EBF3: variants seen among roughly 807,000 people sequenced by gnomAD.
EBF3 encodes the protein transcription factor COE3.
EBF3 carries 18 observed loss-of-function variants against 77.1 expected under a neutral mutation model. The observed-to-expected ratio is 0.23, with a 90% CI of 0.16 to 0.35. The LOEUF (loss-of-function observed/expected upper bound fraction) is 0.35. Ranked by LOEUF, EBF3 falls within the 10% of genes least tolerant of loss-of-function variation. The probability of loss-of-function intolerance (pLI) is 1.00; values close to 1 mark genes in which losing one functional copy is unlikely to be tolerated. For synonymous variants in EBF3, 350 were observed against 343.5 expected, an observed-to-expected ratio of 1.02 and a Z score of -0.21; for missense variants, 558 against 860.0, an observed-to-expected ratio of 0.65 and a Z score of 4.39.
intron 6 of EBF3, among the ~76,000 whole-genome samples, chr10:129,940,667 C>T (rs1332730607): frequency 6.6e-6 from 1 of 152,162 alleles, no homozygotes; most frequent in Admixed American, 6.5e-5. Flanking sequence ...TGGCATCTGC[C>T]CCTGCCCTCC....
Position 129,864,692 on chromosome 10 carries a change from T to C in EBF3, c.1039+2449A>G, listed in dbSNP as rs1314923929. 1.3e-5 allele frequency among the ~76,000 whole-genome samples: 2 copies of C among 152,180 alleles called. No individual in the cohort carries two copies. The highest frequency in any genetic ancestry group is 6.5e-5 in the Admixed American group (1 of 15,272). The stretch of plus-strand genomic sequence containing the variant: ...GTCAGTCTTGCCACATGCAAACACA[T>C]GTCACTTTCATGTCACAAACCAGGA... On this transcript the variant is annotated intron_variant, in intron 10 of 16. Coordinates refer to ENST00000440978, the MANE Select transcript of EBF3 (RefSeq NM_001375380.1). This position sits in a 1 kb window ranked among gnomAD's most constrained non-coding sequence, Gnocchi z 4.4.
intron 6 of EBF3, among the ~76,000 whole-genome samples, chr10:129,916,537 G>A (rs78806596): frequency 0.021 from 3,139 of 152,316 alleles, 51 homozygotes; most frequent in South Asian, 0.078. Flanking sequence ...CTAGAGAAGC[G>A]TTTGAGAGCA....
At position 129,943,364 on chromosome 10, in the gene EBF3, G is replaced by A. The variant is rs569477708; in HGVS notation, c.554+13894C>T. On this transcript the variant is annotated intron_variant, in intron 6 of 16. Coordinates refer to ENST00000440978, the MANE Select transcript of EBF3 (RefSeq NM_001375380.1). This position sits in a 1 kb window ranked among gnomAD's most constrained non-coding sequence, Gnocchi z 8.8. ...CAAAAAAAATTAATTCCAGATTGTA[G>A]TTATTGTCTTAAGCACAAGAAGGTT... Among the ~76,000 whole-genome samples the A allele has an allele frequency of 6.6e-6, 1 of 152,228 alleles. No homozygotes were observed. Among genetic ancestry groups the A allele is most frequent in the Non-Finnish European group, 1.5e-5 (1 of 68,048 alleles).
chr10:129,939,936 C>T (rs1476954071), intron 6 of EBF3, among the ~76,000 whole-genome samples: 1 of 152,218 alleles, frequency 6.6e-6, no homozygotes, highest in African/African-American at 2.4e-5. Context: ...GCTAGAGGGT[C>T]CCCCATGCCC....
chr10:129,865,836 G>A (rs914435366), intron 10 of EBF3, among the ~76,000 whole-genome samples: 2 of 152,238 alleles, frequency 1.3e-5, no homozygotes, highest in Admixed American at 6.5e-5. Flanking sequence ...GGACAGAGGA[G>A]AGGACTGTGT....
Position 129,885,135 on chromosome 10 carries a change from G to A in EBF3, c.555-7286C>T, listed in dbSNP as rs1356615704. Among the ~76,000 whole-genome samples the A allele has an allele frequency of 6.6e-6, 1 of 152,144 alleles. No individual in the cohort carries two copies. Among genetic ancestry groups the A allele is most frequent in the Non-Finnish European group, 1.5e-5 (1 of 68,036 alleles). On this transcript the variant is annotated intron_variant, in intron 6 of 16. Coordinates refer to ENST00000440978, the MANE Select transcript of EBF3 (RefSeq NM_001375380.1). The surrounding 1 kb of genome is among the most constrained non-coding windows in gnomAD (Gnocchi z 4.0). ...TCTTTTCATCACAATTTCAGCAGCG[G>A]CTGTCAAGAGGCACTTATAGATACC...
chr10:129,891,666 A>T (rs1854026078), intron 6 of EBF3, among the ~76,000 whole-genome samples: 1 of 152,192 alleles, frequency 6.6e-6, no homozygotes, highest in South Asian at 2.1e-4. Context: ...GGTCCCCAGC[A>T]GGCCGCGCCA....
chr10:129,877,046 G>A lies in EBF3; in HGVS notation c.636+722C>T, dbSNP rs370548472. ...CAGTAAACCTCGGGGGAAGGAAGCC[G>A]AGGCCAGGAAGAGACTCTGGCAGTT... On this transcript the variant is annotated intron_variant, in intron 7 of 16. Transcript: ENST00000440978. Among the ~76,000 whole-genome samples, 33 of 152,194 alleles carry A rather than the reference G, an allele frequency of 2.2e-4. No individual in the cohort carries two copies. The South Asian group carries it at 2.7e-3, about 12-fold the overall frequency.
Position 129,842,924 on chromosome 10 carries a change from GT to G in EBF3, c.1194+212del, listed in dbSNP as rs5789002. On this transcript the variant is annotated intron_variant, in intron 12 of 16. Coordinates refer to ENST00000440978, the MANE Select transcript of EBF3 (RefSeq NM_001375380.1). This position sits in a 1 kb window ranked among gnomAD's most constrained non-coding sequence, Gnocchi z 4.4. ...AGGCTGTGCACTCCCGCTGTGACAA[GT>G]TTTTTCTGCTTTTGGGTCCTGACAC... Among the ~76,000 whole-genome samples the G allele has an allele frequency of 0.78, 118,369 of 151,952 alleles. 46,435 individuals are homozygous for G. The highest frequency in any genetic ancestry group is 0.87 in the African/African-American group (36,032 of 41,450).
chr10:129,913,292 G>A (rs962567418), intron 6 of EBF3, among the ~76,000 whole-genome samples: 2 of 152,234 alleles, frequency 1.3e-5, no homozygotes, highest in African/African-American at 4.8e-5. Flanking sequence ...TTTAACACTT[G>A]CACACATTTT....
chr10:129,840,927 T>C lies in EBF3; in HGVS notation c.1478A>G (p.Tyr493Cys). 1 of 1,614,046 alleles carries C rather than the reference T, an allele frequency of 6.2e-7. No individual in the cohort carries two copies. The highest frequency in any genetic ancestry group is 8.5e-7 in the Non-Finnish European group (1 of 1,180,012). The change falls in exon 14 of 17, where the codon TAT becomes TGT. Residue 493 changes from tyrosine (Y) to cysteine (C), a missense_variant. By Grantham distance (194) the Tyr-to-Cys change is radical. This residue lies in a region of EBF3 where 284 missense variants were observed against 368.3 expected (regional missense o/e 0.77). Coordinates refer to ENST00000440978, the MANE Select transcript of EBF3 (RefSeq NM_001375380.1). Reference sequence around the variant, plus strand: ...TAGACTGGCCATGGCGCCACTTCCATATCCATTCATGCTAGTGCTGACTGT... The same window carrying C: ...TAGACTGGCCATGGCGCCACTTCCACATCCATTCATGCTAGTGCTGACTGT... ...YNTVSTSMNG[Y>C]GSGAMASLGV...
In EBF3 at chr10:129,935,980, C is replaced by A. The variant is rs1274034226; in HGVS notation, c.554+21278G>T. Among the ~76,000 whole-genome samples the A allele has an allele frequency of 1.3e-5, 2 of 150,708 alleles. No individual in the cohort carries two copies. The highest frequency in any genetic ancestry group is 1.9e-4 in the East Asian group (1 of 5,168). On this transcript the variant is annotated intron_variant, in intron 6 of 16. Coordinates refer to ENST00000440978, the MANE Select transcript of EBF3 (RefSeq NM_001375380.1). The surrounding 1 kb of genome is among the most constrained non-coding windows in gnomAD (Gnocchi z 4.2). ...CCATCGGGGGGCTTCCTGAAGCTGC[C>A]CCCCCCGCCCAACAATGCAGCTGGT...
chr10:129,877,739 C>T (rs7917585), intron 7 of EBF3, 29 bp downstream of exon 7: 29 of 1,589,316 alleles, frequency 1.8e-5, no homozygotes, highest in South Asian at 1.2e-4. Context: ...GTCAGGACCA[C>T]GGTCCACGTG....
intron 10 of EBF3, among the ~76,000 whole-genome samples, chr10:129,856,278 A>G (rs913736869): frequency 4.6e-5 from 7 of 150,856 alleles, no homozygotes; most frequent in African/African-American, 1.7e-4. Flanking sequence ...TATGTTCACA[A>G]AAAAAAAATG....
chr10:129,843,312 G>A (rs185516749), intron 11 of EBF3, 110 bp from the exon 12 acceptor site: 10 of 1,159,194 alleles, frequency 8.6e-6, no homozygotes, highest in African/African-American at 3.0e-5. Flanking sequence ...CACCCACAGC[G>A]ACCCGTCCTG....
At chr10:129,867,397 T>C in intron 9 of EBF3, 130 bp from the exon 10 acceptor site, 1 of 1,390,652 alleles carries the variant, frequency 7.2e-7, no homozygotes, top group South Asian at 1.4e-5. Flanking sequence ...CTCCTAGCTG[T>C]CACCCAGAGT....
chr10:129,851,935 G>A (rs564466480), intron 10 of EBF3, among the ~76,000 whole-genome samples: 10 of 152,210 alleles, frequency 6.6e-5, no homozygotes, highest in South Asian at 2.1e-4. Flanking sequence ...AGGCTACCGC[G>A]GCCTAATGCA....
At position 129,952,911 on chromosome 10, in the gene EBF3, A is replaced by G. The variant is rs552491840; in HGVS notation, c.554+4347T>C. 1.3e-4 allele frequency among the ~76,000 whole-genome samples: 20 copies of G among 152,302 alleles called. No homozygotes were observed. The highest frequency in any genetic ancestry group is 4.8e-4 in the African/African-American group (20 of 41,568). On this transcript the variant is annotated intron_variant, in intron 6 of 16. Transcript: ENST00000440978. The surrounding 1 kb of genome is among the most constrained non-coding windows in gnomAD (Gnocchi z 4.7). ...GAGGTAAATGAATAAAATGTCCCAGAGCACAACTGTGTGTGCTGACAAAAA... is the reference window on the plus strand; with the variant it reads ...GAGGTAAATGAATAAAATGTCCCAGGGCACAACTGTGTGTGCTGACAAAAA...
intron 10 of EBF3, among the ~76,000 whole-genome samples, chr10:129,852,765 T>C (rs1850983894): frequency 6.6e-6 from 1 of 152,216 alleles, no homozygotes; most frequent in African/African-American, 2.4e-5. Context: ...CAGTGAGCAC[T>C]TTCTACAAAG....
Sources: gnomAD v4.1 joint callset for allele counts (sites outside exome capture counted in the v4.1 genomes callset) on GRCh38, gnomAD v4.1.1 for gene constraint, gnomAD v4.1.1 regional missense constraint, Gnocchi (gnomAD v3.1) non-coding constraint, MANE v1.5 for transcripts, NCBI Gene and HGNC (gene_info 2026-07-23, HGNC 2026-07-21) for gene names.